OR2A12: variants seen among roughly 807,000 people sequenced by gnomAD.
OR2A12 encodes the protein olfactory receptor 2A12.
For synonymous variants in OR2A12, 153 were observed against 149.3 expected (o/e 1.02, Z -0.18); for missense variants, 380 against 372.5 (o/e 1.02, Z -0.17).
Position 144,097,202 on chromosome 7 carries a change from AT to A in OR2A12, c.*1167del, listed in dbSNP as rs1403614292. The A allele has an allele frequency of 1.3e-5, 2 of 152,086 alleles. No individual in the cohort carries two copies. Among genetic ancestry groups the A allele is most frequent in the African/African-American group, 4.8e-5 (2 of 41,422 alleles). The allele number at this position is 152,086 out of a possible 1,614,324, so 9.4% of individuals were successfully genotyped here. On this transcript the variant is annotated 3_prime_UTR_variant, in exon 2 of 2. Coordinates refer to ENST00000641592, the MANE Select transcript of OR2A12 (RefSeq NM_001004135.2). ...CAAAATCAATATAAAAATATATTAT[AT>A]TTTTAAAGCAGTAACAAACAATTAA...
In OR2A12 at chr7:144,095,188, T is replaced by C. The variant is rs750949636; in HGVS notation, c.81T>C (p.Phe27=). The C allele has an allele frequency of 5.0e-6, 8 of 1,614,070 alleles. 1 individual carries two copies. The South Asian group carries it at 8.8e-5, about 18-fold the overall frequency. ...QVDPALELFL[F]GFFLLFYSLT... ...ACCCAGCTCTGGAGTTGTTCCTCTT[T>C]GGGTTTTTCTTGCTATTCTACAGCT... The change falls in exon 2 of 2, where the codon TTT becomes TTC. Residue 27 remains phenylalanine, a synonymous_variant. Coordinates refer to ENST00000641592, the MANE Select transcript of OR2A12 (RefSeq NM_001004135.2).
chr7:144,087,697 A>G (rs1211844170), intron 1 of OR2A12, among the ~76,000 whole-genome samples: 2 of 152,220 alleles, frequency 1.3e-5, no homozygotes, highest in African/African-American at 4.8e-5. Flanking sequence ...CTTACAATTT[A>G]AAAATGGAAA....
intron 1 of OR2A12, among the ~76,000 whole-genome samples, chr7:144,092,261 A>G (rs2051232221): frequency 6.6e-6 from 1 of 152,026 alleles, no homozygotes; most frequent in East Asian, 1.9e-4. Flanking sequence ...GTAGCCCTGA[A>G]GTATAGTTTG....
chr7:144,093,479 T>G (rs956101067), intron 1 of OR2A12, among the ~76,000 whole-genome samples: 1 of 152,128 alleles, frequency 6.6e-6, no homozygotes, highest in Non-Finnish European at 1.5e-5. Flanking sequence ...GTGTGTTATA[T>G]TTCTCTTTTT....
chr7:144,095,751 T>G lies in OR2A12; in HGVS notation c.644T>G (p.Val215Gly). 6.2e-7 allele frequency: 1 copy of G among 1,614,080 alleles called. No individual in the cohort carries two copies. Among genetic ancestry groups the G allele is most frequent in the Non-Finnish European group, 8.5e-7 (1 of 1,180,020 alleles). The change falls in exon 2 of 2, where the codon GTC (valine) becomes GGC (glycine). Residue 215 changes from valine (V) to glycine (G), a missense_variant. Physicochemically the swap from Val to Gly is moderately radical, Grantham distance 109. Coordinates refer to ENST00000641592, the MANE Select transcript of OR2A12 (RefSeq NM_001004135.2). ...ILVGPLCLVLVSYLHILVAIL... is the reference protein window; with the variant it reads ...ILVGPLCLVLGSYLHILVAIL... ...GTGGGGCCGCTCTGCCTGGTGCTGG[T>G]CTCCTACTTGCACATCCTGGTGGCC... is the stretch of plus-strand genomic sequence containing the variant.
intron 1 of OR2A12, among the ~76,000 whole-genome samples, chr7:144,090,602 G>A (rs1481848509): frequency 6.6e-6 from 1 of 152,094 alleles, no homozygotes; most frequent in African/African-American, 2.4e-5. Flanking sequence ...ATGTCATAGG[G>A]TTTGTGGTAC....
chr7:144,090,996 A>C (rs1192548980), intron 1 of OR2A12, among the ~76,000 whole-genome samples: 1 of 152,166 alleles, frequency 6.6e-6, no homozygotes, highest in African/African-American at 2.4e-5. Flanking sequence ...GTAAATGTAC[A>C]TGTTTATGTG....
intron 1 of OR2A12, among the ~76,000 whole-genome samples, chr7:144,091,988 T>C (rs2051230531): frequency 1.3e-5 from 2 of 152,180 alleles, no homozygotes; most frequent in South Asian, 4.1e-4. Flanking sequence ...GCTTTGGGTT[T>C]TATATTTAAG....
At chr7:144,093,114 A>G (rs992812672) in intron 1 of OR2A12, among the ~76,000 whole-genome samples, 12 of 152,138 alleles carry the variant, frequency 7.9e-5, no homozygotes, top group African/African-American at 2.2e-4. Flanking sequence ...GGTCATCTTC[A>G]GTTATGAAAA....
At position 144,095,241 on chromosome 7, in the gene OR2A12, TG is replaced by T; in HGVS notation, c.138del (p.Leu47SerfsTer35). On this transcript the variant is annotated frameshift_variant, in exon 2 of 2. Transcript: ENST00000641592. LOFTEE classifies it low-confidence loss of function (END_TRUNC). ...ACCCTGATGGGAAATGGGATTATCCTGGGGCTCATCTACTTGGACTCTAGAC... is the reference window on the plus strand; with the variant it reads ...ACCCTGATGGGAAATGGGATTATCCTGGGCTCATCTACTTGGACTCTAGAC... ...SLTLMGNGIILGLIYLDSRLH... is the reference protein window; with the variant it reads ...SLTLMGNGIIXGLIYLDSRLH... 6.2e-7 allele frequency: 1 copy of T among 1,614,078 alleles called. No individual in the cohort carries two copies. Among genetic ancestry groups the T allele is most frequent in the African/African-American group, 1.3e-5 (1 of 75,028 alleles).
intron 1 of OR2A12, among the ~76,000 whole-genome samples, chr7:144,091,546 A>G (rs2051228124): frequency 2.0e-5 from 3 of 152,210 alleles, no homozygotes; most frequent in East Asian, 1.9e-4. Context: ...CTTTAACAGT[A>G]GCCCTTCTGA....
At chr7:144,091,252 G>T (rs1229005385) in intron 1 of OR2A12, among the ~76,000 whole-genome samples, 1 of 152,206 alleles carries the variant, frequency 6.6e-6, no homozygotes, top group Non-Finnish European at 1.5e-5. Flanking sequence ...TTAGCCAGGT[G>T]TGATGGCGTG....
intron 1 of OR2A12, among the ~76,000 whole-genome samples, chr7:144,090,822 A>G (rs1360219367): frequency 6.6e-6 from 1 of 152,212 alleles, no homozygotes; most frequent in Non-Finnish European, 1.5e-5. Context: ...CTAAGGATAA[A>G]GACCTTCAGC....
Position 144,095,912 on chromosome 7 carries a change from C to G in OR2A12, c.805C>G (p.Arg269Gly), listed in dbSNP as rs777254123. ...MAPKSSHSQE[R>G]RKILSLFYSL... is the part of the protein sequence containing the mutation. ...CCCCAAGTCAAGCCATTCTCAAGAA[C>G]GGAGGAAGATCCTTTCCCTGTTTTA... is the stretch of plus-strand genomic sequence containing the variant. Residue 269 changes from arginine (R) to glycine (G), a missense_variant, in exon 2 of 2, where the codon CGG becomes GGG. Arg to Gly is a moderately radical substitution (Grantham distance 125). Transcript: ENST00000641592. 1 of 1,614,072 alleles carries G rather than the reference C, an allele frequency of 6.2e-7. No homozygotes were observed. The highest frequency in any genetic ancestry group is 8.5e-7 in the Non-Finnish European group (1 of 1,179,984).
chr7:144,089,676 C>T (rs12703569), intron 1 of OR2A12, among the ~76,000 whole-genome samples: 29,193 of 151,932 alleles, frequency 0.19, 3,138 homozygotes, highest in African/African-American at 0.26. Context: ...ATGATTCTCA[C>T]TAATTGCTAA....
rs2051187177 is a variant in OR2A12, at chr7:144,086,369, T to C, written c.-226T>C. 1 of 152,802 alleles carries C rather than the reference T, an allele frequency of 6.5e-6. No homozygotes were observed. The highest frequency in any genetic ancestry group is 1.9e-4 in the East Asian group (1 of 5,202). 9.5% of individuals were successfully genotyped at this position (152,802 alleles called of 1,614,324 possible). On this transcript the variant is annotated 5_prime_UTR_variant, in exon 1 of 2. Coordinates refer to ENST00000641592, the MANE Select transcript of OR2A12 (RefSeq NM_001004135.2). ...AAGCAGGAACACAAGTGCACATGCG[T>C]GCACACACACACAAACAGAGGCATA... is the stretch of plus-strand genomic sequence containing the variant.
In OR2A12 at chr7:144,095,805, G is replaced by A. The variant is rs555296359; in HGVS notation, c.698G>A (p.Arg233His). 146 of 1,614,072 alleles carry A rather than the reference G, an allele frequency of 9.0e-5. 1 individual carries two copies. In the South Asian group the frequency reaches 9.8e-4, roughly 11 times the overall value. The change falls in exon 2 of 2, where the codon CGC becomes CAC. Residue 233 changes from arginine (R) to histidine (H), a missense_variant. Coordinates refer to ENST00000641592, the MANE Select transcript of OR2A12 (RefSeq NM_001004135.2). Reference sequence around the variant, plus strand: ...TTGAGGATCCAGTCTGGGGAGGGCCGCAGAAAGGCCTTCTCTACCTGCTCC... The same window carrying A: ...TTGAGGATCCAGTCTGGGGAGGGCCACAGAAAGGCCTTCTCTACCTGCTCC... ...AILRIQSGEG[R>H]RKAFSTCSSH...
chr7:144,095,758 C>T lies in OR2A12; in HGVS notation c.651C>T (p.Tyr217=), dbSNP rs1352622453. 2 of 1,614,024 alleles carry T rather than the reference C, an allele frequency of 1.2e-6. No homozygotes were observed. The highest frequency in any genetic ancestry group is 1.7e-5 in the Admixed American group (1 of 60,012). ...CGCTCTGCCTGGTGCTGGTCTCCTA[C>T]TTGCACATCCTGGTGGCCATCTTGA... The part of the protein sequence containing the change: ...VGPLCLVLVS[Y]LHILVAILRI... Residue 217 remains tyrosine, a synonymous_variant, in exon 2 of 2, where the codon TAC becomes TAT. Coordinates refer to ENST00000641592, the MANE Select transcript of OR2A12 (RefSeq NM_001004135.2).
chr7:144,094,832 ATCT>A (rs1468274915), intron 1 of OR2A12, among the ~76,000 whole-genome samples: 1 of 152,192 alleles, frequency 6.6e-6, no homozygotes, highest in African/African-American at 2.4e-5. Flanking sequence ...GAAATGACAA[ATCT>A]TCTATTTTTC....
Sources: gnomAD v4.1 joint callset for allele counts (sites outside exome capture counted in the v4.1 genomes callset) on GRCh38, gnomAD v4.1.1 for gene constraint, MANE v1.5 for transcripts, NCBI Gene and HGNC (gene_info 2026-07-23, HGNC 2026-07-21) for gene names.